PROM1: variants seen among roughly 807,000 people sequenced by gnomAD.
The protein encoded by PROM1 is prominin 1, also known as prominin-1.
Under a neutral mutation model 116.9 loss-of-function variants are expected in PROM1, and 105 were observed. The observed-to-expected ratio is 0.90, with a 90% CI of 0.77 to 1.06. The LOEUF (loss-of-function observed/expected upper bound fraction) is 1.06, where lower values mean the gene tolerates loss of function less well. Among genes scored for constraint, PROM1 ranks in the 50% least tolerant of loss-of-function variants. The pLI, the probability that PROM1 is intolerant of heterozygous loss-of-function variation, is 0.00. For synonymous variants in PROM1, 393 were observed against 387.0 expected (o/e 1.02, Z -0.18); for missense variants, 1,122 against 1,045.2 (o/e 1.07, Z -1.01).
At chr4:15,978,170 A>G (rs1042826576) in intron 26 of PROM1, among the ~76,000 whole-genome samples, 1 of 152,198 alleles carries the variant, frequency 6.6e-6, no homozygotes, top group Non-Finnish European at 1.5e-5. Flanking sequence ...CTTGTATTCC[A>G]GCCTCCAGAA....
chr4:16,065,436 A>ATCAGGGATTGCCC (rs1741301739), intron 2 of PROM1, among the ~76,000 whole-genome samples: 1 of 151,824 alleles, frequency 6.6e-6, no homozygotes, highest in South Asian at 2.1e-4. Context: ...TGCCCCCACC[A>ATCAGGGATTGCCC]TGACCAATCC....
At chr4:16,061,266 T>A (rs1468336156) in intron 2 of PROM1, among the ~76,000 whole-genome samples, 1 of 152,178 alleles carries the variant, frequency 6.6e-6, no homozygotes, top group Non-Finnish European at 1.5e-5. Context: ...GAGAGATGCA[T>A]TATCAGCTGA....
intron 8 of PROM1, 40 bp from the exon 9 acceptor site, chr4:16,018,580 T>C: frequency 6.5e-7 from 1 of 1,533,786 alleles, no homozygotes; most frequent in Non-Finnish European, 8.9e-7. Flanking sequence ...ACATGCCAAG[T>C]CCCTCCTCAT....
In PROM1 at chr4:15,968,517, T is replaced by G. The variant is rs903293506; in HGVS notation, c.*876A>C. The G allele has an allele frequency of 5.3e-5, 8 of 152,250 alleles. No individual in the cohort carries two copies. The highest frequency in any genetic ancestry group is 1.9e-4 in the African/African-American group (8 of 41,474). 9.4% of individuals were successfully genotyped at this position (152,250 alleles called of 1,614,324 possible). On this transcript the variant is annotated 3_prime_UTR_variant, in exon 28 of 28. Coordinates refer to ENST00000447510, the MANE Select transcript of PROM1 (RefSeq NM_006017.3). ...GACAGGATCTTCTCATATTTCATTT[T>G]AGAACACTTGATACTAGTCTGATGA...
intron 2 of PROM1, among the ~76,000 whole-genome samples, chr4:16,044,022 A>G (rs1735951659): frequency 6.6e-6 from 1 of 152,132 alleles, no homozygotes; most frequent in African/African-American, 2.4e-5. Context: ...GTTTCTCACT[A>G]CACTTCAACA....
At chr4:16,041,723 G>A (rs973964368) in intron 2 of PROM1, among the ~76,000 whole-genome samples, 6 of 150,568 alleles carry the variant, frequency 4.0e-5, no homozygotes, top group Non-Finnish European at 5.9e-5. Context: ...ACTCCAGCTC[G>A]GGTGACAGAT....
chr4:16,008,957 A>G lies in PROM1; in HGVS notation c.1293T>C (p.Asp431=). The change falls in exon 12 of 28, where the codon GAT becomes GAC. Residue 431 remains aspartate, a synonymous_variant. Transcript: ENST00000447510. The stretch of plus-strand genomic sequence containing the variant: ...TCCAAGGAGACACTCACCAGTATGA[A>G]TCATACTCTTCCAATGTAGGTAAAT... ...HRNLPTLEEY[D]SYWWLGGLVI... The G allele has an allele frequency of 1.3e-6, 2 of 1,586,082 alleles. No homozygotes were observed. Among genetic ancestry groups the G allele is most frequent in the Non-Finnish European group, 1.7e-6 (2 of 1,155,722 alleles).
rs75010325 is a variant in PROM1, at chr4:16,017,128, T to C, written c.1003-888A>G. ...AAAAAGGCATGATGATGTCTACAAC[T>C]TATCCCCAACTTACCTTTTGAGAAA... On this transcript the variant is annotated intron_variant, in intron 9 of 27. Coordinates refer to ENST00000447510, the MANE Select transcript of PROM1 (RefSeq NM_006017.3). 9.4e-3 allele frequency among the ~76,000 whole-genome samples: 1,426 copies of C among 152,314 alleles called. 18 individuals carry two copies. Among genetic ancestry groups the C allele is most frequent in the African/African-American group, 0.032 (1,330 of 41,550 alleles).
chr4:15,971,151 G>T, intron 26 of PROM1, 69 bp from the exon 27 acceptor site: 1 of 1,346,470 alleles, frequency 7.4e-7, no homozygotes, highest in Non-Finnish European at 1.0e-6. Flanking sequence ...TCACCTCTGT[G>T]CTAAGAAGCA....
chr4:15,989,153 C>T (rs1720284669), intron 19 of PROM1, among the ~76,000 whole-genome samples: 1 of 152,126 alleles, frequency 6.6e-6, no homozygotes, highest in Non-Finnish European at 1.5e-5. Context: ...AACTGAGAAG[C>T]TACAATAGTT....
At chr4:15,971,869 G>C (rs748317370) in intron 26 of PROM1, 61 of 152,324 alleles carry the variant, frequency 4.0e-4, no homozygotes, top group African/African-American at 1.4e-3. Flanking sequence ...AAGTGCACAT[G>C]CTTGGTTCTG....
chr4:16,041,785 A>AATATATATAT (rs200674323), intron 2 of PROM1, among the ~76,000 whole-genome samples: 2 of 37,620 alleles, frequency 5.3e-5, no homozygotes, highest in African/African-American at 1.5e-4. Flanking sequence ...TAAATAAATA[A>AATATATATAT]ATATATATAT....
At position 15,982,440 on chromosome 4, in the gene PROM1, T is replaced by C. The variant is rs534371361; in HGVS notation, c.2373+1823A>G. Among the ~76,000 whole-genome samples the C allele has an allele frequency of 4.6e-5, 7 of 152,332 alleles. No homozygotes were observed. In the South Asian group the frequency reaches 1.4e-3, roughly 32 times the overall value. ...TATAACTTTATAACAACCTTATCCT[T>C]TTTCTGGAAGCTGCCTCAATCCTTT... On this transcript the variant is annotated intron_variant, in intron 23 of 27. Transcript: ENST00000447510.
chr4:16,034,178 G>A (rs559589500), intron 4 of PROM1, among the ~76,000 whole-genome samples: 1 of 152,264 alleles, frequency 6.6e-6, no homozygotes, highest in African/African-American at 2.4e-5. Context: ...TGCAAAAATA[G>A]AAGTTAAAGA....
At position 16,017,317 on chromosome 4, in the gene PROM1, A is replaced by T. The variant is rs542208459; in HGVS notation, c.1002+1006T>A. Among the ~76,000 whole-genome samples the T allele has an allele frequency of 3.3e-5, 5 of 152,314 alleles. No homozygotes were observed. The East Asian group carries it at 9.6e-4, about 29-fold the overall frequency. ...CATGCGTTCATCTTGCAAGTTTTCC[A>T]CATGTTTGATACATATTAAAAATAA... On this transcript the variant is annotated intron_variant, in intron 9 of 27. Coordinates refer to ENST00000447510, the MANE Select transcript of PROM1 (RefSeq NM_006017.3).
intron 19 of PROM1, among the ~76,000 whole-genome samples, chr4:15,988,433 A>AGG (rs1239579488): frequency 2.8e-4 from 42 of 152,276 alleles, no homozygotes; most frequent in Non-Finnish European, 5.4e-4. Context: ...TTTATCTGCC[A>AGG]TAGTCCCAAC....
chr4:16,034,257 A>C lies in PROM1; in HGVS notation c.304-748T>G, dbSNP rs13134101. 6.8e-3 allele frequency among the ~76,000 whole-genome samples: 1,030 copies of C among 152,306 alleles called. 3 individuals are homozygous for C. The highest frequency in any genetic ancestry group is 0.01 in the Non-Finnish European group (702 of 68,032). ...CTGGAATGTATCTTAATTTAGAAAA[A>C]AGGCTCAGACTCTAAGTCAGGCACG... On this transcript the variant is annotated intron_variant, in intron 4 of 27. Coordinates refer to ENST00000447510, the MANE Select transcript of PROM1 (RefSeq NM_006017.3).
chr4:16,041,890 A>G (rs1735383609), intron 2 of PROM1, among the ~76,000 whole-genome samples: 1 of 151,624 alleles, frequency 6.6e-6, no homozygotes, highest in Admixed American at 6.6e-5. Context: ...TGAAGGCTCA[A>G]ATTCCTGGAC....
chr4:16,073,678 T>G (rs1289253085), intron 2 of PROM1, among the ~76,000 whole-genome samples: 1 of 152,192 alleles, frequency 6.6e-6, no homozygotes, highest in Non-Finnish European at 1.5e-5. Context: ...TCCAAGGTAA[T>G]AAGTATTGAT....
Sources: gnomAD v4.1 joint callset for allele counts (sites outside exome capture counted in the v4.1 genomes callset) on GRCh38, gnomAD v4.1.1 for gene constraint, MANE v1.5 for transcripts, NCBI Gene and HGNC (gene_info 2026-07-23, HGNC 2026-07-21) for gene names.